Variants in BHLHE22 observed in about 807,000 individuals in gnomAD.
BHLHE22 encodes the protein basic helix-loop-helix family member e22, also known as class E basic helix-loop-helix protein 22.
In BHLHE22, 8 loss-of-function variants were observed where a neutral mutation model predicts 17.6. That is an observed-to-expected ratio of 0.45 (90% CI 0.27 to 0.82). The LOEUF is 0.82. BHLHE22 is among the 40% of genes least tolerant of loss of function. BHLHE22 has a pLI of 0.16. For synonymous variants in BHLHE22, 353 were observed against 282.7 expected, an observed-to-expected ratio of 1.25 and a Z score of -2.49; for missense variants, 570 against 581.5, an observed-to-expected ratio of 0.98 and a Z score of 0.20.
Position 64,581,630 on chromosome 8 carries a change from C to A in BHLHE22, c.840C>A (p.Leu280=), listed in dbSNP as rs749770325. The A allele has an allele frequency of 6.2e-7, 1 of 1,613,234 alleles. No homozygotes were observed. Among genetic ancestry groups the A allele is most frequent in the Non-Finnish European group, 8.5e-7 (1 of 1,179,892 alleles). ...CGCACAGCCCCTCGGTGCGAAAGCT[C>A]TCCAAGATCGCCACGCTGCTGCTCG... is the stretch of plus-strand genomic sequence containing the variant. ...PYAHSPSVRK[L]SKIATLLLAK... is the part of the protein sequence containing the mutation. The change falls in exon 1 of 1, where the codon CTC becomes CTA. Residue 280 remains leucine (L), a synonymous_variant. Coordinates refer to ENST00000321870, the MANE Select transcript of BHLHE22 (RefSeq NM_152414.5). This position sits in a 1 kb window ranked among gnomAD's most constrained non-coding sequence, Gnocchi z 6.4.
rs1804872285 is a variant in BHLHE22 at position 64,580,597 on chromosome 8, G to C, written c.-194G>C. The C allele has an allele frequency of 5.9e-6, 1 of 170,074 alleles. No individual in the cohort carries two copies. The allele number at this position is 170,074 out of a possible 1,614,324, so 10.5% of individuals were successfully genotyped here. On this transcript the variant is annotated 5_prime_UTR_variant, in exon 1 of 1. Transcript: ENST00000321870. ...TGGAGACGAAGAAGAAGAAGAAGAG[G>C]AGGCGGCGAGCGCGGGGGAAGGCGA...
At position 64,580,813 on chromosome 8, in the gene BHLHE22, G is replaced by A. The variant is rs763148464; in HGVS notation, c.23G>A (p.Gly8Asp). The A allele has an allele frequency of 3.5e-6, 5 of 1,439,796 alleles. No homozygotes were observed. The South Asian group carries it at 6.9e-5, about 20-fold the overall frequency. 89.2% of individuals were successfully genotyped at this position (1,439,796 alleles called of 1,614,324 possible). Residue 8 changes from glycine (G) to aspartate (D), a missense_variant, in exon 1 of 1, where the codon GGT becomes GAT. By Grantham distance (94) the Gly-to-Asp change is moderately conservative (BLOSUM62 -1). Transcript: ENST00000321870. Reference sequence around the variant, plus strand: ...ACCATGGAGCGCGGGATGCACCTCGGTGCAGCGGCCGCCGGCGAGGACGAC... The same window carrying A: ...ACCATGGAGCGCGGGATGCACCTCGATGCAGCGGCCGCCGGCGAGGACGAC... The part of the protein sequence containing the change: MERGMHL[G>D]AAAAGEDDLF...
Position 64,580,926 on chromosome 8 carries a change from C to A in BHLHE22, c.136C>A (p.Leu46Met), listed in dbSNP as rs745424350. ...RSTPPGMDLSLAPPPRERPAS... is the reference protein window; with the variant it reads ...RSTPPGMDLSMAPPPRERPAS... ...CACGCCCCCGGGCATGGACCTGTCC[C>A]TGGCGCCGCCGCCTCGGGAACGCCC... Residue 46 changes from leucine to methionine, a missense_variant, in exon 1 of 1, where the codon CTG becomes ATG. By Grantham distance (15) the Leu-to-Met change is conservative. This residue lies in a region of BHLHE22 where 427 missense variants were observed against 376.2 expected (regional missense o/e 1.14). Transcript: ENST00000321870. 4 of 1,492,500 alleles carry A rather than the reference C, an allele frequency of 2.7e-6. No individual in the cohort carries two copies. The highest frequency in any genetic ancestry group is 1.8e-6 in the Non-Finnish European group (2 of 1,130,544). The allele number at this position is 1,492,500 out of a possible 1,614,324, so 92.5% of individuals were successfully genotyped here. A position where few individuals can be genotyped will look rare whatever the true frequency, so the allele number is the denominator to read the frequency against.
Position 64,581,870 on chromosome 8 carries a change from G to T in BHLHE22, c.1080G>T (p.Pro360=), listed in dbSNP as rs749205922. 3 of 1,609,066 alleles carry T rather than the reference G, an allele frequency of 1.9e-6. No homozygotes were observed. Among genetic ancestry groups the T allele is most frequent in the African/African-American group, 2.7e-5 (2 of 74,864 alleles). The change falls in exon 1 of 1, where the codon CCG becomes CCT. Residue 360 remains proline, a synonymous_variant. Transcript: ENST00000321870. The surrounding 1 kb of genome is among the most constrained non-coding windows in gnomAD (Gnocchi z 6.4). The stretch of plus-strand genomic sequence containing the variant: ...GACTGCCCCCGGCTGCCTCCTGCCC[G>T]GAGAAGTGCGCCCTGTTTAACAGCG... ...SAGLPPAASC[P]EKCALFNSVS...
rs1483071352 is a variant in BHLHE22 at position 64,582,887 on chromosome 8, G to A, written c.*951G>A. On this transcript the variant is annotated 3_prime_UTR_variant, in exon 1 of 1. Coordinates refer to ENST00000321870, the MANE Select transcript of BHLHE22 (RefSeq NM_152414.5). ...GCCAACAAGTATGAAGAGAAATATTGATGTATCTGAGCTGCTTAGGTTTAT... is the reference window on the plus strand; with the variant it reads ...GCCAACAAGTATGAAGAGAAATATTAATGTATCTGAGCTGCTTAGGTTTAT... 1 of 166,870 alleles carries A rather than the reference G, an allele frequency of 6.0e-6. No homozygotes were observed. The highest frequency in any genetic ancestry group is 2.4e-5 in the African/African-American group (1 of 41,414). The allele number at this position is 166,870 out of a possible 1,614,324, so 10.3% of individuals were successfully genotyped here. A position where few individuals can be genotyped will look rare whatever the true frequency, so the allele number is the denominator to read the frequency against.
chr8:64,581,716 A>G lies in BHLHE22; in HGVS notation c.926A>G (p.Tyr309Cys), dbSNP rs753992551. 1.9e-6 allele frequency: 3 copies of G among 1,606,276 alleles called. No individual in the cohort carries two copies. The highest frequency in any genetic ancestry group is 2.5e-6 in the Non-Finnish European group (3 of 1,177,454). Reference sequence around the variant, plus strand: ...GAGGAGATGCGGCGCCTAGTCGCCTACCTCAACCAGGGCCAGGCCATCTCG... The same window carrying G: ...GAGGAGATGCGGCGCCTAGTCGCCTGCCTCAACCAGGGCCAGGCCATCTCG... Reference protein sequence around the residue: ...ALEEMRRLVAYLNQGQAISAA... With the variant: ...ALEEMRRLVACLNQGQAISAA... Residue 309 changes from tyrosine (Y) to cysteine (C), a missense_variant, in exon 1 of 1, where the codon TAC becomes TGC. By Grantham distance (194) the Tyr-to-Cys change is radical. Transcript: ENST00000321870. The surrounding 1 kb of genome is among the most constrained non-coding windows in gnomAD (Gnocchi z 6.4).
chr8:64,581,322 G>A lies in BHLHE22; in HGVS notation c.532G>A (p.Ala178Thr), dbSNP rs753620336. 644 of 1,432,554 alleles carry A rather than the reference G, an allele frequency of 4.5e-4. 1 individual carries two copies. Among genetic ancestry groups the A allele is most frequent in the Non-Finnish European group, 3.2e-4 (357 of 1,105,940 alleles). The allele number at this position is 1,432,554 out of a possible 1,614,324, so 88.7% of individuals were successfully genotyped here. Reference protein sequence around the residue: ...RASPGAGGGGAKAAEGCSNAH... With the variant: ...RASPGAGGGGTKAAEGCSNAH... Reference sequence around the variant, plus strand: ...CTCCCCGGGAGCGGGAGGTGGTGGCGCGAAGGCAGCCGAGGGCTGCTCCAA... The same window carrying A: ...CTCCCCGGGAGCGGGAGGTGGTGGCACGAAGGCAGCCGAGGGCTGCTCCAA... The change falls in exon 1 of 1, where the codon GCG (alanine) becomes ACG (threonine). Residue 178 changes from alanine to threonine, a missense_variant. Physicochemically the swap from Ala to Thr is moderately conservative, Grantham distance 58. Around this residue, in one of 3 missense-constraint regions of BHLHE22, gnomAD observed 427 missense variants for 376.2 expected, o/e 1.14. Coordinates refer to ENST00000321870, the MANE Select transcript of BHLHE22 (RefSeq NM_152414.5). The surrounding 1 kb of genome is among the most constrained non-coding windows in gnomAD (Gnocchi z 6.4).
rs1445945270 is a variant in BHLHE22 at position 64,580,457 on chromosome 8, A to C, written c.-334A>C. The C allele has an allele frequency of 6.5e-6, 1 of 154,946 alleles. No individual in the cohort carries two copies. The highest frequency in any genetic ancestry group is 1.4e-5 in the Non-Finnish European group (1 of 69,522). The allele number at this position is 154,946 out of a possible 1,614,324, so 9.6% of individuals were successfully genotyped here. ...AAGCAAGATAAACGGTGCGGAGAGG[A>C]GGCGCGGGGCTGGGCTCAGAGCGGC... On this transcript the variant is annotated 5_prime_UTR_variant, in exon 1 of 1. Transcript: ENST00000321870.
chr8:64,582,003 C>T lies in BHLHE22; in HGVS notation c.*67C>T, dbSNP rs1804912032. 6.5e-7 allele frequency: 1 copy of T among 1,541,236 alleles called. No individual in the cohort carries two copies. Among genetic ancestry groups the T allele is most frequent in the South Asian group, 1.2e-5 (1 of 82,804 alleles). The stretch of plus-strand genomic sequence containing the variant: ...GAAAGCGAAAAGCTGCTCCCCACCC[C>T]CTTTATTTTGGTCCTCTCGTAGTTG... On this transcript the variant is annotated 3_prime_UTR_variant, in exon 1 of 1. Coordinates refer to ENST00000321870, the MANE Select transcript of BHLHE22 (RefSeq NM_152414.5).
chr8:64,581,180 C>T lies in BHLHE22; in HGVS notation c.390C>T (p.Gly130=). 1 of 1,425,446 alleles carries T rather than the reference C, an allele frequency of 7.0e-7. No homozygotes were observed. Among genetic ancestry groups the T allele is most frequent in the Non-Finnish European group, 9.1e-7 (1 of 1,100,814 alleles). The allele number at this position is 1,425,446 out of a possible 1,614,324, so 88.3% of individuals were successfully genotyped here. Reference sequence around the variant, plus strand: ...GGGCCGCCCTTTGCCTCAAGTACGGCGAAAGCGCGAGCCGGGGCTCGGTGG... The same window carrying T: ...GGGCCGCCCTTTGCCTCAAGTACGGTGAAAGCGCGAGCCGGGGCTCGGTGG... ...PAGAALCLKY[G]ESASRGSVAE... The change falls in exon 1 of 1, where the codon GGC becomes GGT. Residue 130 remains glycine, a synonymous_variant. Coordinates refer to ENST00000321870, the MANE Select transcript of BHLHE22 (RefSeq NM_152414.5). This position sits in a 1 kb window ranked among gnomAD's most constrained non-coding sequence, Gnocchi z 6.4.
rs920192848 is a variant in BHLHE22, at chr8:64,581,096, G to A, written c.306G>A (p.Gly102=). ...GCGGCGGCGGGGTGGGTGTCCCCGG[G>A]CTGCTAGTAGGTTCAGCCGGCGTTG... ...GGGGGGVGVP[G]LLVGSAGVGG... The change falls in exon 1 of 1, where the codon GGG becomes GGA. Residue 102 remains glycine (G), a synonymous_variant. Coordinates refer to ENST00000321870, the MANE Select transcript of BHLHE22 (RefSeq NM_152414.5). This position sits in a 1 kb window ranked among gnomAD's most constrained non-coding sequence, Gnocchi z 6.4. The A allele has an allele frequency of 3.0e-6, 4 of 1,333,128 alleles. No homozygotes were observed. In the African/African-American group the frequency reaches 6.3e-5, roughly 21 times the overall value. 82.6% of individuals were successfully genotyped at this position (1,333,128 alleles called of 1,614,324 possible). A position where few individuals can be genotyped will look rare whatever the true frequency, so the allele number is the denominator to read the frequency against.
At position 64,581,894 on chromosome 8, in the gene BHLHE22, C is replaced by T. The variant is rs1359306483; in HGVS notation, c.1104C>T (p.Ser368=). 2.8e-5 allele frequency: 45 copies of T among 1,610,666 alleles called. No homozygotes were observed. Among genetic ancestry groups the T allele is most frequent in the Non-Finnish European group, 3.7e-5 (44 of 1,179,664 alleles). Residue 368 remains serine (S), a synonymous_variant, in exon 1 of 1, where the codon AGC becomes AGT. Transcript: ENST00000321870. The surrounding 1 kb of genome is among the most constrained non-coding windows in gnomAD (Gnocchi z 6.4). ...SCPEKCALFN[S]VSSSLCKQCT... ...CGGAGAAGTGCGCCCTGTTTAACAG[C>T]GTCTCCTCCAGCCTCTGCAAACAGT...
In BHLHE22 at chr8:64,583,002, G is replaced by A. The variant is rs567552830; in HGVS notation, c.*1066G>A. ...CTTCAGTCCAAAAATTACAGGAAAG[G>A]TGTATTCTTAATTGATGAATGAATT... On this transcript the variant is annotated 3_prime_UTR_variant, in exon 1 of 1. Coordinates refer to ENST00000321870, the MANE Select transcript of BHLHE22 (RefSeq NM_152414.5). 6.0e-6 allele frequency: 1 copy of A among 166,874 alleles called. No homozygotes were observed. The highest frequency in any genetic ancestry group is 2.4e-5 in the African/African-American group (1 of 41,578). The allele number at this position is 166,874 out of a possible 1,614,324, so 10.3% of individuals were successfully genotyped here. A position where few individuals can be genotyped will look rare whatever the true frequency, so the allele number is the denominator to read the frequency against.
chr8:64,581,427 A>C lies in BHLHE22; in HGVS notation c.637A>C (p.Ser213Arg). The change falls in exon 1 of 1, where the codon AGT (serine) becomes CGT (arginine). Residue 213 changes from serine (S) to arginine (R), a missense_variant. Coordinates refer to ENST00000321870, the MANE Select transcript of BHLHE22 (RefSeq NM_152414.5). The surrounding 1 kb of genome is among the most constrained non-coding windows in gnomAD (Gnocchi z 6.4). ...CGGCGGGGGTAGCAGCAGCGGTAGC[A>C]GTGGCGGCGGTGGCGGTAGCGGTAG... ...GGGGGSSSGS[S>R]GGGGGSGSGS... The C allele has an allele frequency of 6.5e-7, 1 of 1,536,484 alleles. No homozygotes were observed.
In BHLHE22 at chr8:64,580,581, A is replaced by C. The variant is rs1804872048; in HGVS notation, c.-210A>C. 1.3e-5 allele frequency: 2 copies of C among 158,442 alleles called. No homozygotes were observed. The highest frequency in any genetic ancestry group is 2.7e-5 in the Non-Finnish European group (2 of 73,734). The allele number at this position is 158,442 out of a possible 1,614,324, so 9.8% of individuals were successfully genotyped here. On this transcript the variant is annotated 5_prime_UTR_variant, in exon 1 of 1. Coordinates refer to ENST00000321870, the MANE Select transcript of BHLHE22 (RefSeq NM_152414.5). ...AGCCAGCACCATCGGCTGGAGACGA[A>C]GAAGAAGAAGAAGAGGAGGCGGCGA... is the stretch of plus-strand genomic sequence containing the variant.
chr8:64,581,355 C>A lies in BHLHE22; in HGVS notation c.565C>A (p.Leu189Ile). ...KAAEGCSNAHLHGGASVPPGG... is the reference protein window; with the variant it reads ...KAAEGCSNAHIHGGASVPPGG... ...AGCCGAGGGCTGCTCCAATGCCCACCTCCACGGCGGCGCCAGCGTCCCCCC... is the reference window on the plus strand; with the variant it reads ...AGCCGAGGGCTGCTCCAATGCCCACATCCACGGCGGCGCCAGCGTCCCCCC... Residue 189 changes from leucine (L) to isoleucine (I), a missense_variant, in exon 1 of 1, where the codon CTC becomes ATC. By Grantham distance (5) the Leu-to-Ile change is conservative. This residue lies in a region of BHLHE22 where 427 missense variants were observed against 376.2 expected (regional missense o/e 1.14). Coordinates refer to ENST00000321870, the MANE Select transcript of BHLHE22 (RefSeq NM_152414.5). The surrounding 1 kb of genome is among the most constrained non-coding windows in gnomAD (Gnocchi z 6.4). 6.8e-7 allele frequency: 1 copy of A among 1,471,254 alleles called. No homozygotes were observed. Among genetic ancestry groups the A allele is most frequent in the Non-Finnish European group, 8.9e-7 (1 of 1,123,206 alleles). The allele number at this position is 1,471,254 out of a possible 1,614,324, so 91.1% of individuals were successfully genotyped here.
rs557653288 is a variant in BHLHE22 at position 64,580,730 on chromosome 8, G to A, written c.-61G>A. ...CGTCTGTGGGGCCGCCTGACTCCGG[G>A]GCCGAGGCGGCGGCGGCGGCAGCGG... On this transcript the variant is annotated 5_prime_UTR_variant, in exon 1 of 1. Coordinates refer to ENST00000321870, the MANE Select transcript of BHLHE22 (RefSeq NM_152414.5). The A allele has an allele frequency of 1.2e-4, 122 of 996,828 alleles. 1 individual carries two copies. The South Asian group carries it at 4.9e-3, about 40-fold the overall frequency. The allele number at this position is 996,828 out of a possible 1,614,324, so 61.7% of individuals were successfully genotyped here. A position where few individuals can be genotyped will look rare whatever the true frequency, so the allele number is the denominator to read the frequency against.
At position 64,581,673 on chromosome 8, in the gene BHLHE22, A is replaced by T; in HGVS notation, c.883A>T (p.Met295Leu). 1 of 1,612,082 alleles carries T rather than the reference A, an allele frequency of 6.2e-7. No individual in the cohort carries two copies. The change falls in exon 1 of 1, where the codon ATG becomes TTG. Residue 295 changes from methionine (M) to leucine (L), a missense_variant. Met to Leu is a conservative substitution (Grantham distance 15). Transcript: ENST00000321870. This position sits in a 1 kb window ranked among gnomAD's most constrained non-coding sequence, Gnocchi z 6.4. Reference protein sequence around the residue: ...TLLLAKNYILMQAQALEEMRR... With the variant: ...TLLLAKNYILLQAQALEEMRR... Reference sequence around the variant, plus strand: ...GCTGCTCGCCAAGAACTACATCCTCATGCAGGCGCAGGCCCTGGAGGAGAT... The same window carrying T: ...GCTGCTCGCCAAGAACTACATCCTCTTGCAGGCGCAGGCCCTGGAGGAGAT...
At position 64,582,670 on chromosome 8, in the gene BHLHE22, TTG is replaced by T. The variant is rs1185963709; in HGVS notation, c.*736_*737del. 2 of 167,232 alleles carry T rather than the reference TTG, an allele frequency of 1.2e-5. No homozygotes were observed. Among genetic ancestry groups the T allele is most frequent in the Admixed American group, 1.3e-4 (2 of 15,312 alleles). The allele number at this position is 167,232 out of a possible 1,614,324, so 10.4% of individuals were successfully genotyped here. On this transcript the variant is annotated 3_prime_UTR_variant, in exon 1 of 1. Transcript: ENST00000321870. ...GCATTTAAAAATATTTATGTGCACCTTGTTACTTTCTACTCTGCAATGATGTA... is the reference window on the plus strand; with the variant it reads ...GCATTTAAAAATATTTATGTGCACCTTTACTTTCTACTCTGCAATGATGTA...
Sources: allele counts gnomAD v4.1 joint callset, GRCh38; gene constraint gnomAD v4.1.1; regional missense constraint gnomAD v4.1.1; non-coding constraint Gnocchi (gnomAD v3.1); transcripts MANE v1.5; gene names NCBI Gene and HGNC (gene_info 2026-07-23, HGNC 2026-07-21).